The following ARHGAP26 variants were observed in gnomAD, a reference collection of about 807,000 sequenced individuals.
ARHGAP26 encodes the protein rho GTPase-activating protein 26.
Under a neutral mutation model 104.8 loss-of-function variants are expected in ARHGAP26, and 38 were observed. The observed-to-expected ratio is 0.36, with a 90% CI of 0.28 to 0.48. ARHGAP26 has a LOEUF of 0.48. Among genes scored for constraint, ARHGAP26 ranks in the 20% least tolerant of loss-of-function variants. ARHGAP26 has a pLI of 0.99. For missense variants in ARHGAP26, 704 were observed against 947.9 expected, an observed-to-expected ratio of 0.74 and a Z score of 3.38; for synonymous variants, 341 against 340.0, an observed-to-expected ratio of 1.00 and a Z score of -0.03.
At chr5:143,094,662 G>A (rs1005169175) in intron 17 of ARHGAP26, among the ~76,000 whole-genome samples, 3 of 152,232 alleles carry the variant, frequency 2.0e-5, no homozygotes, top group Admixed American at 6.5e-5. Flanking sequence ...GGAGGGGAAA[G>A]CCTTCTTATC....
chr5:142,936,800 T>C (rs1765483440), intron 11 of ARHGAP26, among the ~76,000 whole-genome samples: 1 of 151,184 alleles, frequency 6.6e-6, no homozygotes, highest in Admixed American at 6.6e-5. Flanking sequence ...GAAATGGTGC[T>C]TTTTAGAACT....
In ARHGAP26 at chr5:143,138,295, G is replaced by T. The variant is rs535769781; in HGVS notation, c.1837+4190G>T. 4.6e-5 allele frequency among the ~76,000 whole-genome samples: 7 copies of T among 152,322 alleles called. No individual in the cohort carries two copies. In the South Asian group the frequency reaches 1.2e-3, roughly 27 times the overall value. On this transcript the variant is annotated intron_variant, in intron 19 of 22. Transcript: ENST00000645722. ...CAGCAAGTCGCTCCTCATATCATAG[G>T]CAATGTGTGATGGAAATGGGGCTAG...
chr5:142,801,871 A>G (rs1230543539), intron 1 of ARHGAP26, among the ~76,000 whole-genome samples: 1 of 152,180 alleles, frequency 6.6e-6, no homozygotes, highest in Non-Finnish European at 1.5e-5. Context: ...TGCTGTTGAT[A>G]CTTATGTCTA....
rs1460054894 is a variant in ARHGAP26 at position 143,223,622 on chromosome 5, T to C, written c.*1176T>C. 1 of 231,654 alleles carries C rather than the reference T, an allele frequency of 4.3e-6. No homozygotes were observed. The highest frequency in any genetic ancestry group is 6.1e-5 in the East Asian group (1 of 16,350). The allele number at this position is 231,654 out of a possible 1,614,324, so 14.3% of individuals were successfully genotyped here. On this transcript the variant is annotated 3_prime_UTR_variant, in exon 23 of 23. Transcript: ENST00000645722. ...GGGCTGCTGAACACTGGTGCTGTGG[T>C]GGTTTTCAAGGTTAATTCCTAGGCT...
intron 12 of ARHGAP26, among the ~76,000 whole-genome samples, chr5:143,032,117 G>A (rs1256361086): frequency 6.6e-6 from 1 of 152,194 alleles, no homozygotes; most frequent in Non-Finnish European, 1.5e-5. Context: ...TCTGAAAGGA[G>A]ACAAAGCAAC....
rs59997098 is a variant in ARHGAP26 at position 143,185,456 on chromosome 5, C to CT, written c.1989-21735dup. Among the ~76,000 whole-genome samples the CT allele has an allele frequency of 7.4e-3, 1,120 of 152,244 alleles. 35 individuals carry two copies. The East Asian group carries it at 0.076, about 10-fold the overall frequency. On this transcript the variant is annotated intron_variant, in intron 20 of 22. Coordinates refer to ENST00000645722, the MANE Select transcript of ARHGAP26 (RefSeq NM_001135608.3). Reference sequence around the variant, plus strand: ...AAATATATGTTATGGGGCATCCCTCCTTTTTTTCTTTTACCAAAAACGAAG... The same window carrying CT: ...AAATATATGTTATGGGGCATCCCTCCTTTTTTTTCTTTTACCAAAAACGAAG...
chr5:143,097,155 A>G (rs1196616081), intron 17 of ARHGAP26, among the ~76,000 whole-genome samples: 3 of 152,062 alleles, frequency 2.0e-5, no homozygotes, highest in East Asian at 1.9e-4. Flanking sequence ...CCTGGCCGAC[A>G]TGGCGAAACC....
intron 1 of ARHGAP26, among the ~76,000 whole-genome samples, chr5:142,866,580 T>G (rs1032435291): frequency 1.2e-4 from 18 of 152,350 alleles, no homozygotes; most frequent in African/African-American, 4.1e-4. Flanking sequence ...GTATTTCATC[T>G]AAATAGAATT....
intron 11 of ARHGAP26, among the ~76,000 whole-genome samples, chr5:143,009,715 A>G (rs1001571596): frequency 6.6e-6 from 1 of 152,252 alleles, no homozygotes; most frequent in Non-Finnish European, 1.5e-5. Context: ...GTTGGCACGG[A>G]TCTTTAACAA....
At chr5:142,831,315 G>A (rs1024796355) in intron 1 of ARHGAP26, among the ~76,000 whole-genome samples, 9 of 152,164 alleles carry the variant, frequency 5.9e-5, no homozygotes, top group South Asian at 2.1e-4. Context: ...TTGTGGCACT[G>A]TGTTATTCTG....
chr5:143,019,239 G>C (rs1169238625), intron 12 of ARHGAP26, among the ~76,000 whole-genome samples: 3 of 152,082 alleles, frequency 2.0e-5, no homozygotes, highest in Non-Finnish European at 4.4e-5. Context: ...TAATAAAGAA[G>C]AAGAAAGTAT....
At chr5:142,856,366 C>T (rs1179425718) in intron 1 of ARHGAP26, among the ~76,000 whole-genome samples, 2 of 152,212 alleles carry the variant, frequency 1.3e-5, no homozygotes, top group Non-Finnish European at 2.9e-5. Flanking sequence ...TCTGAGGACA[C>T]CTATCTTGGA....
intron 17 of ARHGAP26, among the ~76,000 whole-genome samples, chr5:143,102,940 G>A (rs9324902): frequency 0.064 from 9,713 of 151,950 alleles, 1,001 homozygotes; most frequent in African/African-American, 0.22. Flanking sequence ...AGCCACAAAC[G>A]TTTATATAAT....
intron 17 of ARHGAP26, among the ~76,000 whole-genome samples, chr5:143,117,852 G>T (rs955782008): frequency 6.6e-6 from 1 of 152,208 alleles, no homozygotes; most frequent in Non-Finnish European, 1.5e-5. Context: ...AAGTAGCTGG[G>T]TTGGGAATAA....
At chr5:143,008,336 G>A (rs1280418571) in intron 11 of ARHGAP26, among the ~76,000 whole-genome samples, 2 of 152,318 alleles carry the variant, frequency 1.3e-5, no homozygotes, top group South Asian at 2.1e-4. Flanking sequence ...CAAATCTGTC[G>A]CCACTGACAG....
chr5:143,096,966 C>T (rs139932235), intron 17 of ARHGAP26, among the ~76,000 whole-genome samples: 41 of 152,252 alleles, frequency 2.7e-4, no homozygotes, highest in African/African-American at 8.2e-4. Context: ...ATGTCTGGGC[C>T]GGGTGCGGTG....
At chr5:142,995,566 AGT>A in intron 11 of ARHGAP26, among the ~76,000 whole-genome samples, 1 of 152,344 alleles carries the variant, frequency 6.6e-6, no homozygotes, top group South Asian at 2.1e-4. Flanking sequence ...TGTTGGTGGG[AGT>A]GTAAATTAGT....
chr5:143,093,331 T>C (rs1354131953), intron 17 of ARHGAP26, among the ~76,000 whole-genome samples: 3 of 152,198 alleles, frequency 2.0e-5, no homozygotes, highest in Non-Finnish European at 2.9e-5. Context: ...GGAAGGCTAC[T>C]GGTTGTCAGT....
At chr5:142,829,930 TAGGTTTAAG>T (rs1400047059) in intron 1 of ARHGAP26, among the ~76,000 whole-genome samples, 2 of 152,176 alleles carry the variant, frequency 1.3e-5, no homozygotes, top group Non-Finnish European at 2.9e-5. Context: ...TGGCAGAGGT[TAGGTTTAAG>T]CTCAGGCCTT....
Sources: allele counts gnomAD v4.1 joint callset (sites outside exome capture counted in the v4.1 genomes callset), GRCh38; gene constraint gnomAD v4.1.1; transcripts MANE v1.5; gene names NCBI Gene and HGNC (gene_info 2026-07-23, HGNC 2026-07-21).